Variants in C1QTNF3 observed in about 807,000 individuals in gnomAD.
The protein encoded by C1QTNF3 is complement C1q tumor necrosis factor-related protein 3.
C1QTNF3 carries 26 observed loss-of-function variants against 32.6 expected under a neutral mutation model. The observed-to-expected ratio is 0.80, with a 90% confidence interval of 0.58 to 1.11. The LOEUF is 1.11. Ranked by LOEUF, C1QTNF3 falls within the 50% of genes least tolerant of loss-of-function variation. The pLI is 0.00. For missense variants in C1QTNF3, 362 were observed against 398.2 expected, an observed-to-expected ratio of 0.91 and a Z score of 0.77; for synonymous variants, 155 against 146.0, an observed-to-expected ratio of 1.06 and a Z score of -0.44.
the C1QTNF3 span, among the ~76,000 whole-genome samples, chr5:34,220,368 A>T: frequency 6.6e-6 from 1 of 152,072 alleles, no homozygotes; most frequent in Admixed American, 6.6e-5. Flanking sequence ...CTCAAAGGTC[A>T]AAGTAATGAG....
chr5:34,231,560 ATCTGTGTATGG>A, the C1QTNF3 span, among the ~76,000 whole-genome samples: 31 of 152,154 alleles, frequency 2.0e-4, no homozygotes, highest in African/African-American at 6.0e-4. Context: ...GTGTATTTGT[ATCTGTGTATGG>A]TCTGTGTATG....
At chr5:34,057,616 G>A in the C1QTNF3 span, among the ~76,000 whole-genome samples, 1 of 152,064 alleles carries the variant, frequency 6.6e-6, no homozygotes, top group Non-Finnish European at 1.5e-5. Context: ...CCTTTCAACC[G>A]TTCTAGAATA....
chr5:34,128,776 T>G, the C1QTNF3 span, among the ~76,000 whole-genome samples: 1 of 152,218 alleles, frequency 6.6e-6, no homozygotes, highest in Admixed American at 6.5e-5. Context: ...ACTAATCTGT[T>G]TTTGATTTTA....
At chr5:34,056,503 G>C in the C1QTNF3 span, among the ~76,000 whole-genome samples, 2 of 137,916 alleles carry the variant, frequency 1.5e-5, no homozygotes, top group African/African-American at 5.5e-5. Context: ...GAGAGAGAGA[G>C]AGAGAGAGAG....
chr5:34,134,648 A>G, the C1QTNF3 span, among the ~76,000 whole-genome samples: 1 of 152,184 alleles, frequency 6.6e-6, no homozygotes, highest in Admixed American at 6.5e-5. Context: ...ATCCCTTGTA[A>G]GTTGGATTCC....
intron 3 of C1QTNF3, among the ~76,000 whole-genome samples, chr5:34,030,921 G>T (rs1754596856): frequency 6.6e-6 from 1 of 152,134 alleles, no homozygotes; most frequent in African/African-American, 2.4e-5. Context: ...AACACACACT[G>T]GGGCCTATGG....
chr5:34,039,701 CAA>C (rs561791066), intron 1 of C1QTNF3, among the ~76,000 whole-genome samples: 63 of 152,318 alleles, frequency 4.1e-4, no homozygotes, highest in Non-Finnish European at 7.8e-4. Flanking sequence ...GAGGATGAAA[CAA>C]GAGAAGATTT....
At chr5:34,165,309 G>A in the C1QTNF3 span, 1 of 152,096 alleles carries the variant, frequency 6.6e-6, no homozygotes, top group Non-Finnish European at 1.5e-5. Flanking sequence ...GGAACTTCTC[G>A]GCCCGCATAA....
the C1QTNF3 span, among the ~76,000 whole-genome samples, chr5:34,162,581 A>G: frequency 0.013 from 1,931 of 152,294 alleles, 47 homozygotes; most frequent in African/African-American, 0.045. Context: ...TTTTAAATGT[A>G]TAGAATCTTG....
chr5:34,084,859 AT>A, the C1QTNF3 span, among the ~76,000 whole-genome samples: 4 of 137,860 alleles, frequency 2.9e-5, no homozygotes, highest in Admixed American at 7.2e-5. Context: ...CCATTTGTCA[AT>A]TTTGGCTTTT....
chr5:34,070,244 G>A, the C1QTNF3 span, among the ~76,000 whole-genome samples: 19 of 152,020 alleles, frequency 1.2e-4, no homozygotes, highest in East Asian at 7.8e-4. Flanking sequence ...CTAATTTTCC[G>A]GCCACTTCTG....
chr5:34,045,073 G>GA (rs1024535861), upstream of C1QTNF3, among the ~76,000 whole-genome samples: 7 of 152,202 alleles, frequency 4.6e-5, no homozygotes, highest in African/African-American at 1.7e-4. Context: ...GAGGCCCAGA[G>GA]AAAATGTCAC....
At chr5:34,120,564 T>C in the C1QTNF3 span, among the ~76,000 whole-genome samples, 1 of 152,190 alleles carries the variant, frequency 6.6e-6, no homozygotes, top group Non-Finnish European at 1.5e-5. Flanking sequence ...AGTTCCCACG[T>C]GTTGTGGGAG....
At chr5:34,131,089 C>T in the C1QTNF3 span, among the ~76,000 whole-genome samples, 1 of 152,186 alleles carries the variant, frequency 6.6e-6, no homozygotes, top group African/African-American at 2.4e-5. Context: ...TATAAAAATG[C>T]AACCACATAT....
the C1QTNF3 span, among the ~76,000 whole-genome samples, chr5:34,164,081 G>T: frequency 1.6e-4 from 24 of 152,176 alleles, 1 homozygote; most frequent in East Asian, 4.6e-3. Context: ...AATATGAAAT[G>T]TGAAAAAAAT....
the C1QTNF3 span, among the ~76,000 whole-genome samples, chr5:34,203,556 G>A: frequency 8.6e-5 from 13 of 151,268 alleles, no homozygotes; most frequent in East Asian, 1.9e-4. Flanking sequence ...CGTGGTGGCC[G>A]GCACCTGTAA....
chr5:34,029,016 CAAAT>C (rs1754546481), intron 3 of C1QTNF3, 133 bp from the exon 4 acceptor site: 4 of 656,238 alleles, frequency 6.1e-6, no homozygotes, highest in African/African-American at 3.7e-5. Flanking sequence ...GAGAGAGAAA[CAAAT>C]AAATTATGGT....
At chr5:34,156,219 C>T in the C1QTNF3 span, among the ~76,000 whole-genome samples, 1 of 152,056 alleles carries the variant, frequency 6.6e-6, no homozygotes, top group East Asian at 1.9e-4. Flanking sequence ...TACAGGCGCC[C>T]ACCACCAAGC....
chr5:34,220,316 T>C, the C1QTNF3 span, among the ~76,000 whole-genome samples: 1 of 152,042 alleles, frequency 6.6e-6, no homozygotes, highest in Non-Finnish European at 1.5e-5. Flanking sequence ...AAAAATGTGT[T>C]TTAGACAGTG....
Sources: gnomAD v4.1 joint callset for allele counts (sites outside exome capture counted in the v4.1 genomes callset) on GRCh38, gnomAD v4.1.1 for gene constraint, MANE v1.5 for transcripts, NCBI Gene and HGNC (gene_info 2026-07-23, HGNC 2026-07-21) for gene names.